ALDH18A1: variants seen among roughly 807,000 people sequenced by gnomAD.
The protein encoded by ALDH18A1 is delta-1-pyrroline-5-carboxylate synthase.
In ALDH18A1, 44 loss-of-function variants were observed where a neutral mutation model predicts 88.8. The ratio of observed to expected loss-of-function variants is 0.50; its 90% CI spans 0.39 to 0.64. The LOEUF is 0.64. Among genes scored for constraint, ALDH18A1 ranks in the 30% least tolerant of loss-of-function variants. The pLI is 0.00. For synonymous variants in ALDH18A1, 331 were observed against 372.1 expected, an observed-to-expected ratio of 0.89 and a Z score of 1.27; for missense variants, 782 against 1,009.5, an observed-to-expected ratio of 0.77 and a Z score of 3.05.
intron 2 of ALDH18A1, among the ~76,000 whole-genome samples, chr10:95,652,797 T>C (rs1289076231): frequency 6.6e-6 from 1 of 152,118 alleles, no homozygotes; most frequent in Non-Finnish European, 1.5e-5. Context: ...CTGAGAACAT[T>C]TCACCAGGAG....
intron 2 of ALDH18A1, among the ~76,000 whole-genome samples, chr10:95,650,014 C>T (rs370661347): frequency 6.6e-6 from 1 of 151,922 alleles, no homozygotes; most frequent in Non-Finnish European, 1.5e-5. Context: ...GAGCCTTGAT[C>T]GTGCCACTAT....
At chr10:95,608,056 G>A (rs112194607) in intron 17 of ALDH18A1, among the ~76,000 whole-genome samples, 7,323 of 152,296 alleles carry the variant, frequency 0.048, 339 homozygotes, top group African/African-American at 0.11. Flanking sequence ...CTTGTAGAAT[G>A]AAGTGAGAGC....
At chr10:95,638,575 C>T (rs942773448) in intron 3 of ALDH18A1, among the ~76,000 whole-genome samples, 1 of 152,082 alleles carries the variant, frequency 6.6e-6, no homozygotes, top group Non-Finnish European at 1.5e-5. Flanking sequence ...CAGTAGATGG[C>T]TTCTCAGGTT....
intron 5 of ALDH18A1, among the ~76,000 whole-genome samples, 164 bp downstream of exon 5, chr10:95,636,929 A>G (rs1182524631): frequency 6.6e-6 from 1 of 152,270 alleles, no homozygotes; most frequent in African/African-American, 2.4e-5. Flanking sequence ...CCCCATTTTC[A>G]GATGAGGAAA....
intron 10 of ALDH18A1, 44 bp downstream of exon 10, chr10:95,626,659 C>T: frequency 6.3e-7 from 1 of 1,590,810 alleles, no homozygotes; most frequent in South Asian, 1.1e-5. Flanking sequence ...CACAGCATGA[C>T]TCACTCTGAA....
intron 2 of ALDH18A1, among the ~76,000 whole-genome samples, chr10:95,648,204 T>C (rs982113689): frequency 2.6e-5 from 4 of 152,118 alleles, no homozygotes; most frequent in Non-Finnish European, 5.9e-5. Flanking sequence ...AATTGGAGGA[T>C]ACCCAACTGA....
intron 7 of ALDH18A1, among the ~76,000 whole-genome samples, chr10:95,630,571 C>T (rs150157234): frequency 0.036 from 5,113 of 141,068 alleles, 118 homozygotes; most frequent in Non-Finnish European, 0.054. Flanking sequence ...ATTAGCCAGG[C>T]GTGATAGCGC....
At chr10:95,651,144 A>T (rs1379590297) in intron 2 of ALDH18A1, among the ~76,000 whole-genome samples, 1 of 152,230 alleles carries the variant, frequency 6.6e-6, no homozygotes, top group African/African-American at 2.4e-5. Context: ...AAAAACAAAA[A>T]AAAACAAAAA....
At chr10:95,631,965 T>C (rs1477339488) in intron 7 of ALDH18A1, among the ~76,000 whole-genome samples, 3 of 152,152 alleles carry the variant, frequency 2.0e-5, no homozygotes, top group Middle Eastern at 3.2e-3. Flanking sequence ...GTGTCATGAA[T>C]GTTCACAGCT....
chr10:95,637,967 AAACAACAACAACAACAACAAC>A (rs140422812), intron 3 of ALDH18A1, among the ~76,000 whole-genome samples: 125 of 150,298 alleles, frequency 8.3e-4, no homozygotes, highest in African/African-American at 2.7e-3. Flanking sequence ...GCTGTCTCAA[AAACAACAACAACAACAACAAC>A]AACAACAACA....
At chr10:95,609,767 C>CTCTT (rs1193875091) in intron 17 of ALDH18A1, among the ~76,000 whole-genome samples, 1 of 30,698 alleles carries the variant, frequency 3.3e-5, no homozygotes, top group Admixed American at 4.1e-4. Flanking sequence ...AAGTCTGTCT[C>CTCTT]TATTTTTTTT....
chr10:95,608,702 C>T (rs958374619), intron 17 of ALDH18A1, among the ~76,000 whole-genome samples: 5 of 152,086 alleles, frequency 3.3e-5, no homozygotes, highest in African/African-American at 1.2e-4. Context: ...GGTCTCGCTG[C>T]GTTGCCCAGG....
At chr10:95,652,874 T>TTC (rs957799808) in intron 2 of ALDH18A1, among the ~76,000 whole-genome samples, 3 of 151,816 alleles carry the variant, frequency 2.0e-5, no homozygotes, top group Admixed American at 6.6e-5. Flanking sequence ...CATCTTTTTT[T>TTC]TCTCTCTCTC....
chr10:95,628,359 G>C lies in ALDH18A1; in HGVS notation c.933+9C>G. 1 of 1,614,132 alleles carries C rather than the reference G, an allele frequency of 6.2e-7. No homozygotes were observed. The highest frequency in any genetic ancestry group is 1.1e-5 in the South Asian group (1 of 91,090). On this transcript the variant is annotated intron_variant, in intron 8 of 17. Transcript: ENST00000371224. ...ATTGTTATAGGCAGTTAAGGCACCA[G>C]ATTCTTACCTTGGCTTCCATGCCAC...
rs528723557 is a variant in ALDH18A1, at chr10:95,608,792, C to T, written c.2206+1405G>A. ...CCGGGATTACAGGTGTGAGCCACTG[C>T]CCGTGGCCTAAAATGTTTTGAGTGG... On this transcript the variant is annotated intron_variant, in intron 17 of 17. Transcript: ENST00000371224. Among the ~76,000 whole-genome samples, 54 of 152,334 alleles carry T rather than the reference C, an allele frequency of 3.5e-4. 1 individual carries two copies. The highest frequency in any genetic ancestry group is 3.1e-3 in the Admixed American group (48 of 15,302).
In ALDH18A1 at chr10:95,617,313, G is replaced by T. The variant is rs372293458; in HGVS notation, c.1468-699C>A. On this transcript the variant is annotated intron_variant, in intron 12 of 17. Coordinates refer to ENST00000371224, the MANE Select transcript of ALDH18A1 (RefSeq NM_002860.4). ...GGGCCACATGGCACCCCCCACCGTG[G>T]AGAACAGGGTCTTCAGCCACCTCTG... Among the ~76,000 whole-genome samples the T allele has an allele frequency of 4.4e-3, 678 of 152,364 alleles. 2 individuals carry two copies. The highest frequency in any genetic ancestry group is 0.02 in the Middle Eastern group (6 of 294).
intron 7 of ALDH18A1, among the ~76,000 whole-genome samples, chr10:95,631,841 G>A (rs1004761623): frequency 5.3e-5 from 8 of 151,886 alleles, no homozygotes; most frequent in African/African-American, 1.9e-4. Context: ...ATGGTACAAG[G>A]GGCCTTACTT....
At chr10:95,648,401 G>C (rs1171329341) in intron 2 of ALDH18A1, among the ~76,000 whole-genome samples, 2 of 151,744 alleles carry the variant, frequency 1.3e-5, no homozygotes, top group African/African-American at 4.8e-5. Flanking sequence ...CATAAGTTAG[G>C]TATTATTATG....
At position 95,628,365 on chromosome 10, in the gene ALDH18A1, T is replaced by C; in HGVS notation, c.933+3A>G. The C allele has an allele frequency of 6.2e-7, 1 of 1,614,174 alleles. No individual in the cohort carries two copies. Among genetic ancestry groups the C allele is most frequent in the Non-Finnish European group, 8.5e-7 (1 of 1,179,976 alleles). ...ATAGGCAGTTAAGGCACCAGATTCT[T>C]ACCTTGGCTTCCATGCCACCCATTC... On this transcript the variant is annotated splice_donor_region_variant and intron_variant, in intron 8 of 17. Coordinates refer to ENST00000371224, the MANE Select transcript of ALDH18A1 (RefSeq NM_002860.4).
Sources: allele counts gnomAD v4.1 joint callset (sites outside exome capture counted in the v4.1 genomes callset), GRCh38; gene constraint gnomAD v4.1.1; transcripts MANE v1.5; gene names NCBI Gene and HGNC (gene_info 2026-07-23, HGNC 2026-07-21).